FAM110B: variants seen among roughly 807,000 people sequenced by gnomAD.
The protein encoded by FAM110B is family with sequence similarity 110 member B, also known as protein FAM110B.
FAM110B carries 6 observed loss-of-function variants against 20.4 expected under a neutral mutation model. The ratio of observed to expected loss-of-function variants is 0.29; its 90% CI spans 0.16 to 0.58. The LOEUF is 0.58. FAM110B is among the 20% of genes least tolerant of loss of function. FAM110B has a pLI of 0.90. For missense variants in FAM110B, 434 were observed against 498.2 expected, an observed-to-expected ratio of 0.87 and a Z score of 1.23; for synonymous variants, 226 against 214.1, an observed-to-expected ratio of 1.06 and a Z score of -0.49.
intron 3 of FAM110B, among the ~76,000 whole-genome samples, chr8:58,100,192 A>T (rs1010734496): frequency 1.3e-5 from 2 of 152,130 alleles, no homozygotes; most frequent in African/African-American, 4.8e-5. Flanking sequence ...TATATTTCAC[A>T]AACTACTAAC....
At chr8:58,042,584 T>C (rs1007377968) in intron 2 of FAM110B, among the ~76,000 whole-genome samples, 2 of 152,204 alleles carry the variant, frequency 1.3e-5, no homozygotes, top group Non-Finnish European at 2.9e-5. Context: ...TGTGGGACAT[T>C]TTGGTACAGT....
chr8:58,113,348 C>T lies in FAM110B; in HGVS notation c.-324-32559C>T, dbSNP rs545354456. 2.3e-5 allele frequency: 5 copies of T among 218,636 alleles called. No individual in the cohort carries two copies. In the South Asian group the frequency reaches 3.2e-4, roughly 14 times the overall value. 13.5% of individuals were successfully genotyped at this position (218,636 alleles called of 1,614,324 possible). On this transcript the variant is annotated intron_variant, in intron 3 of 3. Transcript: ENST00000519262. ...TGAATGCCCATGTGGACAGTTGTGC[C>T]ATTAGCCTTTTCCCACTGCACCTGC...
chr8:58,132,364 A>G (rs1803494973), intron 3 of FAM110B, among the ~76,000 whole-genome samples: 1 of 151,456 alleles, frequency 6.6e-6, no homozygotes, highest in South Asian at 2.1e-4. Context: ...GGCATCGTAC[A>G]GGCTGGGGGT....
At chr8:58,021,567 T>C (rs1804754561) in intron 1 of FAM110B, among the ~76,000 whole-genome samples, 2 of 152,116 alleles carry the variant, frequency 1.3e-5, no homozygotes. Flanking sequence ...TTAAATATAT[T>C]GTCATTTAGT....
chr8:58,124,053 A>T (rs575798631), intron 3 of FAM110B, among the ~76,000 whole-genome samples: 1 of 151,914 alleles, frequency 6.6e-6, no homozygotes. Context: ...TTTCCCTTTT[A>T]TTTGTTTCTG....
At chr8:58,110,404 G>A (rs2150618595) in intron 3 of FAM110B, among the ~76,000 whole-genome samples, 1 of 152,260 alleles carries the variant, frequency 6.6e-6, no homozygotes, top group Non-Finnish European at 1.5e-5. Flanking sequence ...AACCGATTAA[G>A]ATGCTTAAAA....
intron 2 of FAM110B, among the ~76,000 whole-genome samples, chr8:58,056,470 A>G (rs1314532562): frequency 6.6e-6 from 1 of 152,218 alleles, no homozygotes; most frequent in Non-Finnish European, 1.5e-5. Flanking sequence ...CTGACATTTT[A>G]TATAAAACTA....
chr8:58,064,861 G>A lies in FAM110B; in HGVS notation c.-413-10674G>A, dbSNP rs180772326. 5.9e-5 allele frequency among the ~76,000 whole-genome samples: 9 copies of A among 152,266 alleles called. No individual in the cohort carries two copies. In the South Asian group the frequency reaches 1.0e-3, roughly 18 times the overall value. On this transcript the variant is annotated intron_variant, in intron 2 of 3. Coordinates refer to ENST00000519262, the MANE Select transcript of FAM110B (RefSeq NM_001377989.1). Reference sequence around the variant, plus strand: ...TAATAAATGGCATAGAAGGAGAGACGTATATGGTGATATTTTTCTAAGAAG... The same window carrying A: ...TAATAAATGGCATAGAAGGAGAGACATATATGGTGATATTTTTCTAAGAAG...
At chr8:58,005,202 T>C (rs1253832086) in intron 1 of FAM110B, among the ~76,000 whole-genome samples, 1 of 152,130 alleles carries the variant, frequency 6.6e-6, no homozygotes, top group African/African-American at 2.4e-5. Context: ...TCAATATTGT[T>C]GTGTCTGAGA....
intron 2 of FAM110B, among the ~76,000 whole-genome samples, chr8:58,072,359 G>A (rs1383666279): frequency 6.6e-6 from 1 of 152,098 alleles, no homozygotes; most frequent in East Asian, 1.9e-4. Flanking sequence ...TGTGGAGGAG[G>A]AACTTTTTTA....
At position 58,146,302 on chromosome 8, in the gene FAM110B, T is replaced by A. The variant is rs1187056543; in HGVS notation, c.72T>A (p.Ala24=). 6.2e-7 allele frequency: 1 copy of A among 1,613,944 alleles called. No homozygotes were observed. Among genetic ancestry groups the A allele is most frequent in the Non-Finnish European group, 8.5e-7 (1 of 1,179,990 alleles). ...GCCCCGCGGGCACCTTCACCTCTGC[T>A]GTGCCCCTGCGCATCCTGAACAAGG... ...PVSPAGTFTS[A]VPLRILNKGP... is the part of the protein sequence containing the mutation. Residue 24 remains alanine (A), a synonymous_variant, in exon 4 of 4, where the codon GCT becomes GCA. Transcript: ENST00000519262.
At chr8:58,094,303 G>C (rs1354999220) in intron 3 of FAM110B, among the ~76,000 whole-genome samples, 2 of 152,202 alleles carry the variant, frequency 1.3e-5, no homozygotes, top group African/African-American at 2.4e-5. Context: ...AGAGTGGTGA[G>C]AGAGGGCATC....
intron 3 of FAM110B, among the ~76,000 whole-genome samples, chr8:58,084,696 G>GT (rs1021297659): frequency 3.3e-5 from 5 of 151,906 alleles, no homozygotes; most frequent in African/African-American, 1.2e-4. Flanking sequence ...TGAAATCTCC[G>GT]TTTTTTAAAC....
At chr8:58,004,105 A>G (rs1804355397) in intron 1 of FAM110B, among the ~76,000 whole-genome samples, 1 of 152,178 alleles carries the variant, frequency 6.6e-6, no homozygotes, top group Admixed American at 6.5e-5. Flanking sequence ...GATTCTCCTA[A>G]GAAGCACGCA....
At chr8:58,069,840 C>CATAT (rs1805849594) in intron 2 of FAM110B, among the ~76,000 whole-genome samples, 6 of 152,276 alleles carry the variant, frequency 3.9e-5, no homozygotes, top group African/African-American at 1.4e-4. Context: ...ATCTGATAAG[C>CATAT]TTAAGTAAGC....
intron 3 of FAM110B, among the ~76,000 whole-genome samples, chr8:58,130,675 T>C (rs1803439764): frequency 6.6e-6 from 1 of 152,230 alleles, no homozygotes; most frequent in Non-Finnish European, 1.5e-5. Context: ...GAGTATAAAT[T>C]GAATGATTGA....
At chr8:58,021,469 GAC>G (rs1804751918) in intron 1 of FAM110B, among the ~76,000 whole-genome samples, 1 of 152,076 alleles carries the variant, frequency 6.6e-6, no homozygotes, top group African/African-American at 2.4e-5. Context: ...AAAAGTTAAA[GAC>G]ACATACACAG....
intron 3 of FAM110B, among the ~76,000 whole-genome samples, chr8:58,109,792 A>G (rs1807017232): frequency 6.6e-6 from 1 of 152,208 alleles, no homozygotes; most frequent in Admixed American, 6.5e-5. Context: ...CAGCCTCCCA[A>G]AATTGTCCAC....
chr8:58,045,772 G>A (rs1303357153), intron 2 of FAM110B, among the ~76,000 whole-genome samples: 2 of 152,180 alleles, frequency 1.3e-5, no homozygotes, highest in African/African-American at 4.8e-5. Context: ...ATACCAGAAG[G>A]TGGACATTCC....
Sources: allele counts gnomAD v4.1 joint callset (sites outside exome capture counted in the v4.1 genomes callset), GRCh38; gene constraint gnomAD v4.1.1; transcripts MANE v1.5; gene names NCBI Gene and HGNC (gene_info 2026-07-23, HGNC 2026-07-21).